Variants in HYDIN observed in about 807,000 individuals in gnomAD.
The protein encoded by HYDIN is axonemal central pair apparatus protein HYDIN.
HYDIN carries 132 observed loss-of-function variants against 403.9 expected under a neutral mutation model. The observed-to-expected ratio is 0.33, with a 90% confidence interval of 0.28 to 0.38. The LOEUF (loss-of-function observed/expected upper bound fraction) is 0.38, where lower values mean the gene tolerates loss of function less well. Among genes scored for constraint, HYDIN ranks in the 10% least tolerant of loss-of-function variants. The pLI is 1.00. For missense variants in HYDIN, 2,827 were observed against 5,009.5 expected (o/e 0.56, Z 13.15); for synonymous variants, 1,202 against 1,891.7 (o/e 0.64, Z 9.46).
At chr16:70,970,232 T>G (rs2078694707) in intron 36 of HYDIN, among the ~76,000 whole-genome samples, 1 of 71,320 alleles carries the variant, frequency 1.4e-5, no homozygotes, top group Non-Finnish European at 2.7e-5. Flanking sequence ...TAGAGACTGA[T>G]AGCATATTTT....
intron 13 of HYDIN, among the ~76,000 whole-genome samples, chr16:71,079,217 A>G (rs2082709983): frequency 6.6e-6 from 1 of 152,176 alleles, no homozygotes; most frequent in Non-Finnish European, 1.5e-5. Context: ...ATAAGGACAG[A>G]TGTTTTTCTT....
Position 70,810,177 on chromosome 16 carries a change from T to A in HYDIN, c.14659-170A>T, listed in dbSNP as rs2035382234. 2.0e-5 allele frequency among the ~76,000 whole-genome samples: 3 copies of A among 152,222 alleles called. No individual in the cohort carries two copies. The South Asian group carries it at 6.2e-4, about 31-fold the overall frequency. Reference sequence around the variant, plus strand: ...AAACCAGCCCACCCTCTCTCCCCTGTACCTCTCCTAGCTTTCTCTAGTTCA... The same window carrying A: ...AAACCAGCCCACCCTCTCTCCCCTGAACCTCTCCTAGCTTTCTCTAGTTCA... On this transcript the variant is annotated intron_variant, in intron 84 of 85. Coordinates refer to ENST00000393567, the MANE Select transcript of HYDIN (RefSeq NM_001270974.2).
chr16:71,070,028 C>G (rs1260762318), intron 13 of HYDIN, among the ~76,000 whole-genome samples: 1 of 152,300 alleles, frequency 6.6e-6, no homozygotes, highest in African/African-American at 2.4e-5. Flanking sequence ...GTATCACGCT[C>G]TTAGGGCTGA....
At chr16:70,917,404 T>C (rs1228211455) in intron 47 of HYDIN, among the ~76,000 whole-genome samples, 2 of 152,228 alleles carry the variant, frequency 1.3e-5, no homozygotes, top group Non-Finnish European at 2.9e-5. Context: ...AATTTACATG[T>C]AAGCAGGACT....
chr16:70,989,058 T>C (rs927369437), intron 25 of HYDIN, among the ~76,000 whole-genome samples: 2 of 151,968 alleles, frequency 1.3e-5, no homozygotes, highest in Non-Finnish European at 2.9e-5. Flanking sequence ...TACATATATA[T>C]GTACATATAT....
chr16:71,054,213 C>T (rs1314618014), intron 18 of HYDIN, among the ~76,000 whole-genome samples: 1 of 152,284 alleles, frequency 6.6e-6, no homozygotes, highest in Non-Finnish European at 1.5e-5. Flanking sequence ...TAAAACCCAT[C>T]AGAAACAAAA....
Position 70,872,072 on chromosome 16 carries a change from A to G in HYDIN, c.11056T>C (p.Trp3686Arg). The G allele has an allele frequency of 6.4e-7, 1 of 1,567,086 alleles. No individual in the cohort carries two copies. The highest frequency in any genetic ancestry group is 8.6e-7 in the Non-Finnish European group (1 of 1,160,678). The part of the protein sequence containing the change: ...HSQVNLIRFE[W>R]PVSATIAFSP... ...AAAGCAATTGTAGCTGAAACAGGCC[A>G]TTCAAACCGTATCAAGTTCACTTGG... The change falls in exon 65 of 86, where the codon TGG becomes CGG. Residue 3686 changes from tryptophan to arginine, a missense_variant. Physicochemically the swap from Trp to Arg is moderately radical, Grantham distance 101 (BLOSUM62 -3). Transcript: ENST00000393567.
intron 65 of HYDIN, among the ~76,000 whole-genome samples, chr16:70,871,546 T>A (rs1227561810): frequency 6.6e-6 from 1 of 152,022 alleles, no homozygotes; most frequent in African/African-American, 2.4e-5. Flanking sequence ...GGTTAGAAAA[T>A]TCCAGGTAAA....
chr16:71,169,586 G>A (rs532276027), intron 5 of HYDIN, among the ~76,000 whole-genome samples: 4 of 152,266 alleles, frequency 2.6e-5, no homozygotes, highest in South Asian at 2.1e-4. Context: ...CAAATACTAC[G>A]TGATCTGACT....
At chr16:70,888,055 T>C (rs2143707403) in intron 58 of HYDIN, among the ~76,000 whole-genome samples, 1 of 152,356 alleles carries the variant, frequency 6.6e-6, no homozygotes, top group African/African-American at 2.4e-5. Context: ...AATTTGTTTA[T>C]TTATCTTCAA....
At chr16:71,017,005 C>T (rs755227693) in intron 23 of HYDIN, among the ~76,000 whole-genome samples, 13 of 151,354 alleles carry the variant, frequency 8.6e-5, no homozygotes, top group Admixed American at 7.9e-4. Flanking sequence ...ATGCTGTTCT[C>T]GTGATTGTGA....
intron 1 of HYDIN, among the ~76,000 whole-genome samples, chr16:71,216,517 C>T (rs1598052391): frequency 1.3e-5 from 2 of 152,204 alleles, no homozygotes; most frequent in African/African-American, 2.4e-5. Context: ...AAGAGGAGGG[C>T]TATGATGGAG....
Position 71,030,831 on chromosome 16 carries a change from G to A in HYDIN, c.2768+848C>T, listed in dbSNP as rs865886456. On this transcript the variant is annotated intron_variant, in intron 19 of 85. Coordinates refer to ENST00000393567, the MANE Select transcript of HYDIN (RefSeq NM_001270974.2). The stretch of plus-strand genomic sequence containing the variant: ...ATTTAGACCCTCTAGCTTTTCCTGG[G>A]TAATCAGGCAAAGCCAATGGAAACC... Among the ~76,000 whole-genome samples the A allele has an allele frequency of 1.2e-4, 19 of 152,088 alleles. 1 individual carries two copies. The highest frequency in any genetic ancestry group is 3.4e-3 in the Middle Eastern group (1 of 294).
intron 1 of HYDIN, among the ~76,000 whole-genome samples, chr16:71,209,280 C>G (rs955083117): frequency 2.0e-5 from 3 of 151,196 alleles, no homozygotes; most frequent in Non-Finnish European, 2.9e-5. Context: ...ATAAACAGAA[C>G]TGAAGACAAA....
chr16:71,004,338 T>G (rs2079825851), intron 23 of HYDIN, among the ~76,000 whole-genome samples: 1 of 145,758 alleles, frequency 6.9e-6, no homozygotes, highest in Non-Finnish European at 1.5e-5. Context: ...AAAAAGGAAC[T>G]CTTGTTTTAT....
At chr16:70,837,445 G>A (rs919498353) in intron 77 of HYDIN, among the ~76,000 whole-genome samples, 2 of 152,176 alleles carry the variant, frequency 1.3e-5, no homozygotes, top group Non-Finnish European at 2.9e-5. Context: ...GTAATTACCT[G>A]TATCCTTTGA....
At chr16:70,834,270 T>TCCTGCTCTC (rs1400256159) in intron 78 of HYDIN, 106 bp from the exon 79 acceptor site, 1 of 659,540 alleles carries the variant, frequency 1.5e-6, no homozygotes, top group Non-Finnish European at 2.6e-6. Flanking sequence ...CAGATCTCAC[T>TCCTGCTCTC]CCTGCTCTCC....
intron 36 of HYDIN, 79 bp downstream of exon 36, chr16:70,970,441 C>T: frequency 7.7e-7 from 1 of 1,297,116 alleles, no homozygotes; most frequent in South Asian, 1.3e-5. Flanking sequence ...GGGAAGTAAT[C>T]ACTAAATTGA....
Position 71,002,511 on chromosome 16 carries a change from C to T in HYDIN, c.3645-10301G>A. On this transcript the variant is annotated intron_variant, in intron 23 of 85. Coordinates refer to ENST00000393567, the MANE Select transcript of HYDIN (RefSeq NM_001270974.2). ...AGGTTGCAGTGGGCCATGATCATGT[C>T]ACCACATTCCAGCCTGGACAGCAAA... Among the ~76,000 whole-genome samples the T allele has an allele frequency of 1.3e-5, 2 of 151,208 alleles. 1 individual carries two copies. The highest frequency in any genetic ancestry group is 2.9e-5 in the Non-Finnish European group (2 of 67,938).
Sources: gnomAD v4.1 joint callset for allele counts (sites outside exome capture counted in the v4.1 genomes callset) on GRCh38, gnomAD v4.1.1 for gene constraint, MANE v1.5 for transcripts, NCBI Gene and HGNC (gene_info 2026-07-23, HGNC 2026-07-21) for gene names.